The following NXPH1 variants were observed in gnomAD, a reference collection of about 807,000 sequenced individuals.
NXPH1 encodes neurexophilin 1, also known as neurexophilin-1.
A neutral mutation model predicts 23.7 loss-of-function variants in NXPH1; 5 were observed. The observed-to-expected ratio is 0.21, with a 90% CI of 0.11 to 0.44. The LOEUF is 0.44. NXPH1 is among the 20% of genes least tolerant of loss of function. NXPH1 has a pLI of 0.99. For missense variants in NXPH1, 324 were observed against 321.6 expected (o/e 1.01, Z -0.06); for synonymous variants, 144 against 122.2 (o/e 1.18, Z -1.18).
chr7:8,529,324 G>A (rs1217208169), intron 2 of NXPH1, among the ~76,000 whole-genome samples: 1 of 152,212 alleles, frequency 6.6e-6, no homozygotes, highest in Non-Finnish European at 1.5e-5. Context: ...ATGGCACCAG[G>A]GGGCCAAAAT....
At chr7:8,521,853 G>T (rs1210645479) in intron 2 of NXPH1, among the ~76,000 whole-genome samples, 1 of 152,100 alleles carries the variant, frequency 6.6e-6, no homozygotes, top group Non-Finnish European at 1.5e-5. Flanking sequence ...AACCAGTGTG[G>T]GTGGAAGCGA....
chr7:8,643,463 C>T (rs996874033), intron 2 of NXPH1, among the ~76,000 whole-genome samples: 3 of 152,056 alleles, frequency 2.0e-5, no homozygotes, highest in Admixed American at 2.0e-4. Context: ...TGCTTTTCTT[C>T]TGCTTTGATC....
At chr7:8,668,431 C>G (rs1820814295) in intron 2 of NXPH1, among the ~76,000 whole-genome samples, 1 of 152,182 alleles carries the variant, frequency 6.6e-6, no homozygotes, top group South Asian at 2.1e-4. Flanking sequence ...GGTGAGCTTG[C>G]TACTGGAGTT....
At chr7:8,700,858 C>T (rs947056435) in intron 2 of NXPH1, among the ~76,000 whole-genome samples, 7 of 151,956 alleles carry the variant, frequency 4.6e-5, no homozygotes, top group African/African-American at 1.7e-4. Flanking sequence ...CAATCTAGTC[C>T]ACTGCTTGTT....
chr7:8,469,471 C>G (rs1269194552), intron 2 of NXPH1, among the ~76,000 whole-genome samples: 3 of 152,054 alleles, frequency 2.0e-5, no homozygotes, highest in South Asian at 2.1e-4. Flanking sequence ...CAGAGAGCGT[C>G]AAATGTATAT....
At chr7:8,614,758 GAATATCAA>G (rs1819698924) in intron 2 of NXPH1, among the ~76,000 whole-genome samples, 1 of 151,980 alleles carries the variant, frequency 6.6e-6, no homozygotes, top group Non-Finnish European at 1.5e-5. Flanking sequence ...TGTGATGAAA[GAATATCAA>G]AATATAGGCT....
At chr7:8,516,995 C>CATGT (rs1817697052) in intron 2 of NXPH1, among the ~76,000 whole-genome samples, 1 of 152,078 alleles carries the variant, frequency 6.6e-6, no homozygotes, top group South Asian at 2.1e-4. Flanking sequence ...TCTAAGAAAG[C>CATGT]ATGTATAAGT....
At position 8,536,565 on chromosome 7, in the gene NXPH1, G is replaced by C. The variant is rs1052443375; in HGVS notation, c.54+100798G>C. Among the ~76,000 whole-genome samples the C allele has an allele frequency of 2.6e-5, 4 of 151,692 alleles. No individual in the cohort carries two copies. The East Asian group carries it at 7.8e-4, about 30-fold the overall frequency. On this transcript the variant is annotated intron_variant, in intron 2 of 2. Coordinates refer to ENST00000405863, the MANE Select transcript of NXPH1 (RefSeq NM_152745.3). ...TTGGGGAAAGTGCTTAATAAGCTCA[G>C]CTATAAACTACAGAAAGGAGGCTAT...
intron 2 of NXPH1, among the ~76,000 whole-genome samples, chr7:8,533,130 T>C (rs965931231): frequency 6.6e-6 from 1 of 152,142 alleles, no homozygotes; most frequent in African/African-American, 2.4e-5. Context: ...CACACAGCAT[T>C]GAGGTGATAG....
intron 2 of NXPH1, among the ~76,000 whole-genome samples, chr7:8,681,535 C>A (rs1821048734): frequency 6.6e-6 from 1 of 152,138 alleles, no homozygotes; most frequent in South Asian, 2.1e-4. Flanking sequence ...GCTGCATCCA[C>A]TGACCCCTTG....
At chr7:8,507,089 G>A (rs1336718182) in intron 2 of NXPH1, among the ~76,000 whole-genome samples, 1 of 151,740 alleles carries the variant, frequency 6.6e-6, no homozygotes, top group African/African-American at 2.4e-5. Flanking sequence ...GAGAGACAAT[G>A]GGCTAAGGTA....
At chr7:8,599,042 A>T (rs191056061) in intron 2 of NXPH1, among the ~76,000 whole-genome samples, 184 of 152,254 alleles carry the variant, frequency 1.2e-3, no homozygotes, top group African/African-American at 4.3e-3. Flanking sequence ...TCAGCCAGGG[A>T]CCCTCTTTAA....
At chr7:8,692,816 G>A (rs776118888) in intron 2 of NXPH1, among the ~76,000 whole-genome samples, 3 of 152,144 alleles carry the variant, frequency 2.0e-5, no homozygotes, top group Admixed American at 1.3e-4. Context: ...GATAGAAAGG[G>A]ATGCTGTGTG....
chr7:8,653,373 G>C (rs80072732), intron 2 of NXPH1, among the ~76,000 whole-genome samples: 8,120 of 152,200 alleles, frequency 0.053, 397 homozygotes, highest in East Asian at 0.17. Flanking sequence ...GCGTTGTCCT[G>C]TGTGGCATTG....
At chr7:8,524,318 A>G (rs867918151) in intron 2 of NXPH1, among the ~76,000 whole-genome samples, 1 of 151,630 alleles carries the variant, frequency 6.6e-6, no homozygotes. Flanking sequence ...AGTGACCCCA[A>G]CAAATCTTGG....
chr7:8,596,122 T>C (rs4615466), intron 2 of NXPH1, among the ~76,000 whole-genome samples: 20,929 of 152,018 alleles, frequency 0.14, 2,096 homozygotes, highest in African/African-American at 0.27. Flanking sequence ...ATTCAATTTT[T>C]ATACTTATAA....
At chr7:8,477,535 A>T (rs1462130076) in intron 2 of NXPH1, among the ~76,000 whole-genome samples, 2 of 152,198 alleles carry the variant, frequency 1.3e-5, no homozygotes, top group Non-Finnish European at 2.9e-5. Context: ...AATAGGATAG[A>T]GAGAGCTATG....
intron 2 of NXPH1, among the ~76,000 whole-genome samples, chr7:8,498,264 C>A (rs931816031): frequency 6.6e-6 from 1 of 151,978 alleles, no homozygotes; most frequent in Admixed American, 6.6e-5. Context: ...AACCAGTTTC[C>A]ACCGCTAACC....
At chr7:8,660,686 A>G (rs145499897) in intron 2 of NXPH1, among the ~76,000 whole-genome samples, 2 of 152,210 alleles carry the variant, frequency 1.3e-5, no homozygotes, top group African/African-American at 2.4e-5. Flanking sequence ...CTTTGGCGCA[A>G]TAATAATTGT....
Sources: gnomAD v4.1 joint callset for allele counts (sites outside exome capture counted in the v4.1 genomes callset) on GRCh38, gnomAD v4.1.1 for gene constraint, MANE v1.5 for transcripts, NCBI Gene and HGNC (gene_info 2026-07-23, HGNC 2026-07-21) for gene names.